CTNNA2: variants seen among roughly 807,000 people sequenced by gnomAD.
CTNNA2 encodes the protein catenin alpha-2.
Under a neutral mutation model 101.0 loss-of-function variants are expected in CTNNA2, and 42 were observed. That is an observed-to-expected ratio of 0.42 (90% confidence interval 0.32 to 0.54). CTNNA2 has a LOEUF of 0.54. CTNNA2 is among the 20% of genes least tolerant of loss of function. The pLI is 0.14. For synonymous variants in CTNNA2, 450 were observed against 456.4 expected, an observed-to-expected ratio of 0.99 and a Z score of 0.18; for missense variants, 871 against 1,223.1, an observed-to-expected ratio of 0.71 and a Z score of 4.29.
intron 1 of CTNNA2, among the ~76,000 whole-genome samples, chr2:79,568,184 A>G (rs991637578): frequency 3.3e-5 from 5 of 152,212 alleles, no homozygotes; most frequent in African/African-American, 7.2e-5. Flanking sequence ...TAAGTGCTAA[A>G]TAAATATTAT....
intron 7 of CTNNA2, among the ~76,000 whole-genome samples, chr2:79,978,385 A>G (rs1279794520): frequency 1.3e-5 from 2 of 152,058 alleles, no homozygotes; most frequent in African/African-American, 4.8e-5. Context: ...TTCATCTGTC[A>G]TCTCTGGCAG....
In CTNNA2 at chr2:79,554,671, G is replaced by T. The variant is rs10520247; in HGVS notation, c.-6+41464G>T. On this transcript the variant is annotated intron_variant, in intron 1 of 18. Transcript: ENST00000402739. ...GAAAAAGTGAAAAATAGATCATTAA[G>T]ATAGAAGGCTCCAGACACCTCATAC... 2.0e-5 allele frequency among the ~76,000 whole-genome samples: 3 copies of T among 152,218 alleles called. No homozygotes were observed. In the East Asian group the frequency reaches 5.8e-4, roughly 29 times the overall value.
chr2:80,439,893 A>G (rs909657102), intron 9 of CTNNA2, among the ~76,000 whole-genome samples: 6 of 152,210 alleles, frequency 3.9e-5, no homozygotes, highest in Admixed American at 3.9e-4. Context: ...AGCATCTACT[A>G]TGTGCCAATA....
intron 12 of CTNNA2, among the ~76,000 whole-genome samples, chr2:80,565,587 A>AT (rs1244934380): frequency 1.7e-5 from 1 of 58,148 alleles, no homozygotes; most frequent in Admixed American, 2.2e-4. Context: ...AGACTAGGTG[A>AT]TTTTGCCTGG....
At chr2:80,294,675 C>G (rs1047085789) in intron 7 of CTNNA2, among the ~76,000 whole-genome samples, 2 of 152,002 alleles carry the variant, frequency 1.3e-5, no homozygotes, top group Admixed American at 6.6e-5. Flanking sequence ...TTCTCCTCAC[C>G]AAGGCCACAC....
chr2:79,862,545 GT>G (rs1681702587), intron 4 of CTNNA2, among the ~76,000 whole-genome samples: 1 of 152,124 alleles, frequency 6.6e-6, no homozygotes, highest in Non-Finnish European at 1.5e-5. Flanking sequence ...TATGGCCCAG[GT>G]TTTTAGCATA....
intron 2 of CTNNA2, among the ~76,000 whole-genome samples, chr2:79,661,961 T>G (rs1056433989): frequency 3.3e-5 from 5 of 151,792 alleles, no homozygotes; most frequent in Non-Finnish European, 5.9e-5. Flanking sequence ...AATGGTAAGT[T>G]GGGAGTACAT....
At chr2:80,313,554 T>C (rs1292035418) in intron 7 of CTNNA2, 3 of 1,610,728 alleles carry the variant, frequency 1.9e-6, no homozygotes. Context: ...GGAAGACGAA[T>C]TGACCAGATG....
intron 15 of CTNNA2, among the ~76,000 whole-genome samples, chr2:80,591,329 T>C (rs1354291735): frequency 3.3e-5 from 5 of 151,916 alleles, no homozygotes; most frequent in African/African-American, 9.7e-5. Flanking sequence ...ATGAGTCGTT[T>C]TGTGTTCTTT....
chr2:79,418,750 A>G (rs1323271125), intron 4 of CTNNA2, among the ~76,000 whole-genome samples: 1 of 152,144 alleles, frequency 6.6e-6, no homozygotes, highest in Non-Finnish European at 1.5e-5. Context: ...AATAGTTTCC[A>G]TGATGTGAGG....
chr2:80,280,212 C>T (rs1376498125), intron 7 of CTNNA2, among the ~76,000 whole-genome samples: 1 of 148,886 alleles, frequency 6.7e-6, no homozygotes, highest in Non-Finnish European at 1.5e-5. Flanking sequence ...CCAGCACATA[C>T]TCCAGGATTT....
chr2:80,596,064 G>C (rs1375958071), intron 15 of CTNNA2, among the ~76,000 whole-genome samples: 1 of 151,932 alleles, frequency 6.6e-6, no homozygotes, highest in Non-Finnish European at 1.5e-5. Context: ...AGTTCTCATA[G>C]AAGAGGTTCT....
Position 79,684,483 on chromosome 2 carries a change from T to C in CTNNA2, c.102+32825T>C, listed in dbSNP as rs557318063. ...ATCAAAACTGATGATAGGCATCTAC[T>C]GGATTGTGTTTAAACTATTTTCAGA... is the stretch of plus-strand genomic sequence containing the variant. On this transcript the variant is annotated intron_variant, in intron 2 of 18. Coordinates refer to ENST00000402739, the MANE Select transcript of CTNNA2 (RefSeq NM_001282597.3). Among the ~76,000 whole-genome samples, 9 of 152,324 alleles carry C rather than the reference T, an allele frequency of 5.9e-5. No homozygotes were observed. The East Asian group carries it at 1.4e-3, about 23-fold the overall frequency.
intron 2 of CTNNA2, among the ~76,000 whole-genome samples, chr2:79,699,100 A>G (rs1454384869): frequency 6.6e-6 from 1 of 152,128 alleles, no homozygotes; most frequent in Admixed American, 6.6e-5. Context: ...AAAATGTAGT[A>G]CTAACTAAAA....
chr2:79,490,380 T>C (rs964886341), intron 4 of CTNNA2, among the ~76,000 whole-genome samples: 6 of 152,168 alleles, frequency 3.9e-5, no homozygotes, highest in Non-Finnish European at 8.8e-5. Context: ...CCATCTGTCA[T>C]TGGATGCTGC....
At chr2:80,124,668 A>G (rs1231614318) in intron 7 of CTNNA2, among the ~76,000 whole-genome samples, 1 of 152,208 alleles carries the variant, frequency 6.6e-6, no homozygotes, top group Non-Finnish European at 1.5e-5. Flanking sequence ...TGCATCAAAG[A>G]GACCTGGTCA....
intron 3 of CTNNA2, among the ~76,000 whole-genome samples, chr2:79,844,552 T>G (rs1175564784): frequency 6.6e-6 from 1 of 152,198 alleles, no homozygotes; most frequent in Non-Finnish European, 1.5e-5. Flanking sequence ...TCCTGTGATC[T>G]TCATTCTTTC....
intron 7 of CTNNA2, among the ~76,000 whole-genome samples, chr2:80,134,362 T>C (rs1410254295): frequency 1.3e-5 from 2 of 152,118 alleles, no homozygotes; most frequent in Non-Finnish European, 2.9e-5. Flanking sequence ...TGATGGTTGC[T>C]GTGCAACTAC....
chr2:80,151,827 T>A (rs965573893), intron 7 of CTNNA2, among the ~76,000 whole-genome samples: 1 of 152,230 alleles, frequency 6.6e-6, no homozygotes, highest in African/African-American at 2.4e-5. Flanking sequence ...CTGCTGCCAG[T>A]GCTGCCTCTT....
Sources: allele counts gnomAD v4.1 joint callset (sites outside exome capture counted in the v4.1 genomes callset), GRCh38; gene constraint gnomAD v4.1.1; transcripts MANE v1.5; gene names NCBI Gene and HGNC (gene_info 2026-07-23, HGNC 2026-07-21).